Variants in NDNF observed in about 807,000 individuals in gnomAD.
NDNF encodes the protein protein NDNF.
NDNF carries 16 observed loss-of-function variants against 42.0 expected under a neutral mutation model. The ratio of observed to expected loss-of-function variants is 0.38; its 90% CI spans 0.26 to 0.58. The LOEUF (loss-of-function observed/expected upper bound fraction) is 0.58, where lower values mean the gene tolerates loss of function less well. Among genes scored for constraint, NDNF ranks in the 20% least tolerant of loss-of-function variants. The probability of loss-of-function intolerance (pLI) is 0.67; values close to 1 mark genes in which losing one functional copy is unlikely to be tolerated. For missense variants in NDNF, 616 were observed against 666.2 expected, an observed-to-expected ratio of 0.92 and a Z score of 0.83; for synonymous variants, 248 against 251.7, an observed-to-expected ratio of 0.99 and a Z score of 0.14.
rs1560603141 is a variant in NDNF, at chr4:121,039,172, A to ATAT, written c.313+757_313+758insATA. On this transcript the variant is annotated intron_variant, in intron 3 of 3. Transcript: ENST00000379692. ...ATATATATATGTATATATATATATA[A>ATAT]AGACTATGTGTGTGTGTGTGTATAT... Among the ~76,000 whole-genome samples the ATAT allele has an allele frequency of 2.7e-3, 48 of 17,802 alleles. 1 individual carries two copies. The highest frequency in any genetic ancestry group is 8.5e-3 in the Non-Finnish European group (35 of 4,096). 11.7% of individuals were successfully genotyped at this position (17,802 alleles called of 152,430 possible). A position where few individuals can be genotyped will look rare whatever the true frequency, so the allele number is the denominator to read the frequency against.
At chr4:121,044,951 G>T (rs572500807) in intron 2 of NDNF, among the ~76,000 whole-genome samples, 2 of 152,360 alleles carry the variant, frequency 1.3e-5, no homozygotes, top group South Asian at 4.1e-4. Context: ...GAGCAACACA[G>T]TGAGACCTTG....
intron 1 of NDNF, among the ~76,000 whole-genome samples, chr4:121,051,275 T>C (rs913943033): frequency 2.0e-5 from 3 of 152,166 alleles, no homozygotes; most frequent in Admixed American, 1.3e-4. Context: ...TGTCAGTGAA[T>C]AGATTTAAAG....
At position 121,045,637 on chromosome 4, in the gene NDNF, G is replaced by T. The variant is rs1376023091; in HGVS notation, c.188+13C>A. 6.2e-7 allele frequency: 1 copy of T among 1,606,056 alleles called. No individual in the cohort carries two copies. The highest frequency in any genetic ancestry group is 8.5e-7 in the Non-Finnish European group (1 of 1,173,118). On this transcript the variant is annotated intron_variant, in intron 2 of 3. Coordinates refer to ENST00000379692, the MANE Select transcript of NDNF (RefSeq NM_024574.4). Reference sequence around the variant, plus strand: ...TGAGCTTTTTAATAAAGAAAATACTGCAGGGAGAATACCTCTTAGGTGTAT... The same window carrying T: ...TGAGCTTTTTAATAAAGAAAATACTTCAGGGAGAATACCTCTTAGGTGTAT...
chr4:121,061,667 T>A (rs557889115), intron 1 of NDNF, among the ~76,000 whole-genome samples: 3 of 152,168 alleles, frequency 2.0e-5, no homozygotes, highest in South Asian at 4.2e-4. Context: ...TCCCCCACCA[T>A]CCCCCCACCA....
rs1199090260 is a variant in NDNF at position 121,036,931 on chromosome 4, T to C, written c.1040A>G (p.Asp347Gly). 1.2e-6 allele frequency: 2 copies of C among 1,613,942 alleles called. No individual in the cohort carries two copies. The highest frequency in any genetic ancestry group is 1.7e-6 in the Non-Finnish European group (2 of 1,179,990). Residue 347 changes from aspartate to glycine, a missense_variant, in exon 4 of 4, where the codon GAT becomes GGT. Coordinates refer to ENST00000379692, the MANE Select transcript of NDNF (RefSeq NM_024574.4). ...EAKQKTVELK[D>G]GKITDVFVKR... ...AACAAATACATCTGTTATCTTCCCA[T>C]CTTTTAGCTCGACTGTCTTCTGTTT... is the stretch of plus-strand genomic sequence containing the variant.
At chr4:121,058,807 A>G (rs568322175) in intron 1 of NDNF, among the ~76,000 whole-genome samples, 2 of 152,128 alleles carry the variant, frequency 1.3e-5, no homozygotes, top group South Asian at 2.1e-4. Flanking sequence ...CCCATTTCCA[A>G]TATCTCTCAT....
intron 1 of NDNF, among the ~76,000 whole-genome samples, chr4:121,055,873 TA>T (rs1727285945): frequency 1.3e-5 from 2 of 152,212 alleles, no homozygotes; most frequent in South Asian, 4.1e-4. Context: ...AAGGGATGCA[TA>T]TTATTTGAGG....
At chr4:121,063,577 A>T (rs983572632) in intron 1 of NDNF, among the ~76,000 whole-genome samples, 10 of 152,210 alleles carry the variant, frequency 6.6e-5, no homozygotes, top group African/African-American at 9.6e-5. Flanking sequence ...AGGGCTGAAG[A>T]GAGAAAATTT....
intron 1 of NDNF, among the ~76,000 whole-genome samples, chr4:121,067,988 A>G (rs1727529260): frequency 6.6e-6 from 1 of 152,206 alleles, no homozygotes; most frequent in Non-Finnish European, 1.5e-5. Context: ...GTGTCATCTC[A>G]GAAGAGGCAA....
intron 1 of NDNF, among the ~76,000 whole-genome samples, chr4:121,053,135 G>A (rs1727229658): frequency 6.6e-6 from 1 of 152,176 alleles, no homozygotes; most frequent in African/African-American, 2.4e-5. Flanking sequence ...AGTTCATTAT[G>A]TCAATAATCT....
intron 1 of NDNF, among the ~76,000 whole-genome samples, chr4:121,063,597 A>G (rs541296705): frequency 6.6e-6 from 1 of 152,228 alleles, no homozygotes; most frequent in South Asian, 2.1e-4. Context: ...TGACTTCAAC[A>G]GATGATTTCA....
rs1458755515 is a variant in NDNF at position 121,037,423 on chromosome 4, T to A, written c.548A>T (p.Asp183Val). 1 of 1,614,160 alleles carries A rather than the reference T, an allele frequency of 6.2e-7. No individual in the cohort carries two copies. Among genetic ancestry groups the A allele is most frequent in the South Asian group, 1.1e-5 (1 of 91,076 alleles). Residue 183 changes from aspartate (D) to valine (V), a missense_variant, in exon 4 of 4, where the codon GAT becomes GTT. By Grantham distance (152) the Asp-to-Val change is radical. Transcript: ENST00000379692. ...YPELPYDPRV[D>V]VTSLGRTTVT... The stretch of plus-strand genomic sequence containing the variant: ...CGTGGTGCGCCCCAGTGAGGTCACA[T>A]CTACTCTTGGGTCATAGGGTAACTC...
chr4:121,059,338 A>G (rs1276016630), intron 1 of NDNF, among the ~76,000 whole-genome samples: 1 of 152,254 alleles, frequency 6.6e-6, no homozygotes, highest in Non-Finnish European at 1.5e-5. Context: ...GAAAAAGAAC[A>G]TTCAAGTTAA....
chr4:121,056,424 C>T (rs1727297643), intron 1 of NDNF, among the ~76,000 whole-genome samples: 1 of 152,198 alleles, frequency 6.6e-6, no homozygotes, highest in African/African-American at 2.4e-5. Context: ...TCTTTTCATA[C>T]ATTTTGCAAT....
At chr4:121,058,771 T>C (rs957390945) in intron 1 of NDNF, among the ~76,000 whole-genome samples, 11 of 152,294 alleles carry the variant, frequency 7.2e-5, no homozygotes, top group African/African-American at 2.6e-4. Context: ...TATCCACTTA[T>C]TGCATCTCAC....
At chr4:121,040,703 C>A (rs140738371) in intron 2 of NDNF, among the ~76,000 whole-genome samples, 3 of 152,124 alleles carry the variant, frequency 2.0e-5, no homozygotes, top group African/African-American at 7.2e-5. Flanking sequence ...AGTGCAGTGG[C>A]GTGGTCATAG....
intron 1 of NDNF, among the ~76,000 whole-genome samples, chr4:121,046,759 T>C (rs1727100981): frequency 6.6e-6 from 1 of 152,218 alleles, no homozygotes; most frequent in Non-Finnish European, 1.5e-5. Flanking sequence ...TAATGATGGA[T>C]CATTCTCTAC....
At chr4:121,039,235 T>TAA in intron 3 of NDNF, among the ~76,000 whole-genome samples, 1 of 131,994 alleles carries the variant, frequency 7.6e-6, no homozygotes, top group African/African-American at 3.0e-5. Context: ...TATATATATA[T>TAA]AAAGACTATG....
rs981840975 is a variant in NDNF at position 121,040,000 on chromosome 4, G to A, written c.243C>T (p.Pro81=). 6.2e-7 allele frequency: 1 copy of A among 1,614,048 alleles called. No individual in the cohort carries two copies. Among genetic ancestry groups the A allele is most frequent in the African/African-American group, 1.3e-5 (1 of 75,030 alleles). ...GCTTCCACTCCAAAGGCGCATCACA[G>A]GGCGTCACTGTGACTGATAATGGAG... ...DNTPLSVTVT[P]CDAPLEWKLS... is the part of the protein sequence containing the mutation. Residue 81 remains proline, a synonymous_variant, in exon 3 of 4, where the codon CCC becomes CCT. Transcript: ENST00000379692.
Sources: allele counts gnomAD v4.1 joint callset (sites outside exome capture counted in the v4.1 genomes callset), GRCh38; gene constraint gnomAD v4.1.1; transcripts MANE v1.5; gene names NCBI Gene and HGNC (gene_info 2026-07-23, HGNC 2026-07-21).